SEPTIN2: variants seen among roughly 807,000 people sequenced by gnomAD.
The protein encoded by SEPTIN2 is septin 2, also known as septin-2.
SEPTIN2 carries 34 observed loss-of-function variants against 46.5 expected under a neutral mutation model. The observed-to-expected ratio is 0.73, with a 90% CI of 0.56 to 0.97. SEPTIN2 has a LOEUF of 0.97. SEPTIN2 is among the 50% of genes least tolerant of loss of function. SEPTIN2 has a pLI of 0.00. For missense variants in SEPTIN2, 347 were observed against 448.4 expected (o/e 0.77, Z 2.04); for synonymous variants, 175 against 153.4 (o/e 1.14, Z -1.04).
chr2:241,342,860 G>T (rs1019796353), intron 7 of SEPTIN2, 132 bp from the exon 8 acceptor site: 6 of 609,350 alleles, frequency 9.8e-6, no homozygotes, highest in African/African-American at 9.4e-5. Flanking sequence ...TTATTTGACA[G>T]TAACTTTCGT....
At chr2:241,319,881 A>G (rs992024397) in intron 1 of SEPTIN2, among the ~76,000 whole-genome samples, 1 of 152,244 alleles carries the variant, frequency 6.6e-6, no homozygotes, top group Admixed American at 6.5e-5. Context: ...GGCGTGAGCC[A>G]CCACACTCTG....
rs1287168394 is a variant in SEPTIN2 at position 241,352,840 on chromosome 2, T to C, written c.*903T>C. ...AAATTAAAAATTTTTTTAAGGAAAA[T>C]TAGCAGTTGGTCTATTCAGAATCAA... On this transcript the variant is annotated 3_prime_UTR_variant, in exon 13 of 13. Transcript: ENST00000391971. 1 of 152,196 alleles carries C rather than the reference T, an allele frequency of 6.6e-6. No individual in the cohort carries two copies. The highest frequency in any genetic ancestry group is 2.4e-5 in the African/African-American group (1 of 41,442). 9.4% of individuals were successfully genotyped at this position (152,196 alleles called of 1,614,324 possible).
rs1272747413 is a variant in SEPTIN2, at chr2:241,339,161, A to AG, written c.594+1373dup. ...GTAATCCCTGCACTTTGGAAGGCTG[A>AG]GGCAGGCACATCACCAGAGGTCAGG... On this transcript the variant is annotated intron_variant, in intron 7 of 12. Transcript: ENST00000391971. Among the ~76,000 whole-genome samples the AG allele has an allele frequency of 2.7e-5, 4 of 149,864 alleles. No individual in the cohort carries two copies. The Admixed American group carries it at 2.7e-4, about 10-fold the overall frequency.
At chr2:241,334,433 C>T (rs1485337750) in intron 3 of SEPTIN2, among the ~76,000 whole-genome samples, 1 of 152,212 alleles carries the variant, frequency 6.6e-6, no homozygotes, top group African/African-American at 2.4e-5. Flanking sequence ...TATGTAGTCA[C>T]AGTAGTTCAA....
intron 10 of SEPTIN2, 102 bp downstream of exon 10, chr2:241,346,351 T>A: frequency 1.3e-6 from 1 of 766,218 alleles, no homozygotes; most frequent in Admixed American, 2.9e-5. Flanking sequence ...TTAAGCAACA[T>A]GGTTTGGTTT....
At chr2:241,338,827 ATAAT>A (rs1249790669) in intron 7 of SEPTIN2, among the ~76,000 whole-genome samples, 1 of 99,066 alleles carries the variant, frequency 1.0e-5, no homozygotes, top group Non-Finnish European at 1.8e-5. Flanking sequence ...TTATTTATAT[ATAAT>A]ATATATAATA....
chr2:241,331,243 C>T (rs938942472), intron 3 of SEPTIN2, among the ~76,000 whole-genome samples: 1 of 150,790 alleles, frequency 6.6e-6, no homozygotes, highest in Non-Finnish European at 1.5e-5. Context: ...TACCACTTAA[C>T]AGTCACAAAA....
At chr2:241,322,059 G>A (rs2077206865) in intron 1 of SEPTIN2, among the ~76,000 whole-genome samples, 1 of 152,148 alleles carries the variant, frequency 6.6e-6, no homozygotes, top group Non-Finnish European at 1.5e-5. Context: ...GGGGATGCAG[G>A]GATCTCATTT....
At position 241,353,148 on chromosome 2, in the gene SEPTIN2, T is replaced by C. The variant is rs2060902606; in HGVS notation, c.*1211T>C. On this transcript the variant is annotated 3_prime_UTR_variant, in exon 13 of 13. Transcript: ENST00000391971. ...TTGTGTGCAGGCTGTCTCATTTATT[T>C]TTAGCCATTGTCGTTTCATTCATTT... 6.6e-6 allele frequency: 1 copy of C among 152,380 alleles called. No homozygotes were observed. Among genetic ancestry groups the C allele is most frequent in the East Asian group, 1.9e-4 (1 of 5,196 alleles). The allele number at this position is 152,380 out of a possible 1,614,324, so 9.4% of individuals were successfully genotyped here. A position where few individuals can be genotyped will look rare whatever the true frequency, so the allele number is the denominator to read the frequency against.
chr2:241,332,814 C>G (rs1040676422), intron 3 of SEPTIN2, among the ~76,000 whole-genome samples: 1 of 152,204 alleles, frequency 6.6e-6, no homozygotes, highest in African/African-American at 2.4e-5. Context: ...CTCGTAGATG[C>G]AACAACATGC....
chr2:241,347,859 A>C (rs1041978781), intron 10 of SEPTIN2, among the ~76,000 whole-genome samples: 47 of 151,908 alleles, frequency 3.1e-4, no homozygotes, highest in African/African-American at 1.1e-3. Flanking sequence ...ACTAAACACA[A>C]AAAAAATTAG....
At chr2:241,347,466 C>A (rs533309701) in intron 10 of SEPTIN2, among the ~76,000 whole-genome samples, 1 of 152,316 alleles carries the variant, frequency 6.6e-6, no homozygotes, top group South Asian at 2.1e-4. Flanking sequence ...GAGCACAGTT[C>A]TCAGGTGTGC....
At chr2:241,325,298 T>C (rs1472100019) in intron 2 of SEPTIN2, 1 of 152,226 alleles carries the variant, frequency 6.6e-6, no homozygotes, top group Non-Finnish European at 1.5e-5. Flanking sequence ...CTGCTATTCT[T>C]GCCTTCTCAT....
chr2:241,338,945 TTATATATATA>T (rs1559644892), intron 7 of SEPTIN2, among the ~76,000 whole-genome samples: 1 of 102,504 alleles, frequency 9.8e-6, no homozygotes, highest in African/African-American at 4.0e-5. Context: ...ATTATATATA[TTATATATATA>T]ATATATATTA....
intron 7 of SEPTIN2, among the ~76,000 whole-genome samples, chr2:241,340,416 C>CT (rs1209611964): frequency 6.6e-6 from 1 of 152,064 alleles, no homozygotes; most frequent in African/African-American, 2.4e-5. Flanking sequence ...TTTCTTGGTG[C>CT]TTTTTTCCAA....
intron 4 of SEPTIN2, chr2:241,335,681 A>AT: frequency 1.8e-6 from 1 of 564,890 alleles, no homozygotes; most frequent in Non-Finnish European, 3.1e-6. Flanking sequence ...CCCTTTCAGA[A>AT]TATTTTTGAA....
At chr2:241,351,560 ACT>A (rs2060796410) in intron 12 of SEPTIN2, 1 of 151,960 alleles carries the variant, frequency 6.6e-6, no homozygotes, top group Admixed American at 6.6e-5. Context: ...TGGCCTGCTG[ACT>A]CTAGAGGCTG....
chr2:241,324,465 G>A, intron 2 of SEPTIN2: 1 of 506,554 alleles, frequency 2.0e-6, no homozygotes, highest in African/African-American at 2.0e-5. Flanking sequence ...TCAGCTCACT[G>A]CAACTTCTGC....
intron 3 of SEPTIN2, among the ~76,000 whole-genome samples, chr2:241,329,374 C>A (rs932622219): frequency 6.6e-6 from 1 of 152,058 alleles, no homozygotes; most frequent in Non-Finnish European, 1.5e-5. Flanking sequence ...GTGATCCGCC[C>A]GCCTCGGCCT....
Sources: allele counts gnomAD v4.1 joint callset (sites outside exome capture counted in the v4.1 genomes callset), GRCh38; gene constraint gnomAD v4.1.1; transcripts MANE v1.5; gene names NCBI Gene and HGNC (gene_info 2026-07-23, HGNC 2026-07-21).